The following FAM184A variants were observed in gnomAD, a reference collection of about 807,000 sequenced individuals.
The protein encoded by FAM184A is protein FAM184A.
FAM184A carries 99 observed loss-of-function variants against 143.8 expected under a neutral mutation model. The ratio of observed to expected loss-of-function variants is 0.69; its 90% CI spans 0.58 to 0.81. The LOEUF is 0.81. Among genes scored for constraint, FAM184A ranks in the 40% least tolerant of loss-of-function variants. FAM184A has a pLI of 0.00. For missense variants in FAM184A, 1,217 were observed against 1,310.5 expected, an observed-to-expected ratio of 0.93 and a Z score of 1.10; for synonymous variants, 427 against 446.4, an observed-to-expected ratio of 0.96 and a Z score of 0.55.
chr6:119,020,082 C>T lies in FAM184A; in HGVS notation c.1228G>A (p.Val410Ile), dbSNP rs1376628707. The change falls in exon 4 of 18, where the codon GTC becomes ATC. Residue 410 changes from valine to isoleucine, a missense_variant. By Grantham distance (29) the Val-to-Ile change is conservative. Coordinates refer to ENST00000338891, the MANE Select transcript of FAM184A (RefSeq NM_024581.6). ...TCAAGTTGAGATAATCTCTCATTGACTCTCGATTTTTCTGATTCTAAATCT... is the reference window on the plus strand; with the variant it reads ...TCAAGTTGAGATAATCTCTCATTGATTCTCGATTTTTCTGATTCTAAATCT... ...IKDLESEKSR[V>I]NERLSQLEEE... 2 of 1,609,788 alleles carry T rather than the reference C, an allele frequency of 1.2e-6. No individual in the cohort carries two copies. The highest frequency in any genetic ancestry group is 1.7e-6 in the Non-Finnish European group (2 of 1,178,850).
chr6:119,111,688 A>C (rs994577156), intron 1 of FAM184A, among the ~76,000 whole-genome samples: 1 of 152,196 alleles, frequency 6.6e-6, no homozygotes, highest in African/African-American at 2.4e-5. Context: ...ACAGATTGTC[A>C]TGTTCTAGTC....
At chr6:119,079,869 T>C (rs1279537528), upstream of FAM184A, among the ~76,000 whole-genome samples, 1 of 152,220 alleles carries the variant, frequency 6.6e-6, no homozygotes, top group African/African-American at 2.4e-5. Context: ...TGAAATTGGC[T>C]CTTTTCCCAG....
intron 1 of FAM184A, among the ~76,000 whole-genome samples, chr6:119,117,850 G>A (rs1789101173): frequency 6.6e-6 from 1 of 152,136 alleles, no homozygotes; most frequent in South Asian, 2.1e-4. Flanking sequence ...TTTAGTGCAA[G>A]TTTAGCCAGC....
At chr6:119,061,657 T>A (rs1028756220) in intron 1 of FAM184A, among the ~76,000 whole-genome samples, 13 of 151,098 alleles carry the variant, frequency 8.6e-5, no homozygotes, top group South Asian at 2.1e-4. Flanking sequence ...TAAACTACTT[T>A]TCAACTAAAG....
rs144611782 is a variant in FAM184A at position 119,133,635 on chromosome 6, G to A, written c.-202+15443C>T. On this transcript the variant is annotated intron_variant, in intron 1 of 16. Transcript: ENST00000352896. Reference sequence around the variant, plus strand: ...GCCCCAAGAAATGGGTGTGATGTGGGCAAAGTGACTTTGTTCAGCTGAAGA... The same window carrying A: ...GCCCCAAGAAATGGGTGTGATGTGGACAAAGTGACTTTGTTCAGCTGAAGA... Among the ~76,000 whole-genome samples the A allele has an allele frequency of 2.0e-3, 302 of 152,068 alleles. 2 individuals are homozygous for A. Among genetic ancestry groups the A allele is most frequent in the African/African-American group, 6.9e-3 (285 of 41,482 alleles).
At chr6:119,006,421 A>C in intron 7 of FAM184A, 26 bp downstream of exon 7, 1 of 1,602,004 alleles carries the variant, frequency 6.2e-7, no homozygotes, top group Non-Finnish European at 8.5e-7. Flanking sequence ...GCCGCTGTTT[A>C]GATTGCAGTA....
Position 118,991,500 on chromosome 6 carries a change from G to A in FAM184A, c.2089-11150C>T, listed in dbSNP as rs567069805. Among the ~76,000 whole-genome samples, 22 of 152,158 alleles carry A rather than the reference G, an allele frequency of 1.4e-4. No individual in the cohort carries two copies. The South Asian group carries it at 4.6e-3, about 32-fold the overall frequency. ...TTAGAAGTGTAACATTTAAACTGAG[G>A]TAAATGCAAATAGGAGATAACTTTG... On this transcript the variant is annotated intron_variant, in intron 9 of 17. Coordinates refer to ENST00000338891, the MANE Select transcript of FAM184A (RefSeq NM_024581.6).
intron 1 of FAM184A, among the ~76,000 whole-genome samples, chr6:119,117,401 C>T (rs979274659): frequency 6.6e-6 from 1 of 152,254 alleles, no homozygotes; most frequent in Non-Finnish European, 1.5e-5. Flanking sequence ...GGCAGGGCTT[C>T]CTGGCTAGTC....
intron 1 of FAM184A, among the ~76,000 whole-genome samples, chr6:119,058,811 A>G (rs1185327216): frequency 6.6e-6 from 1 of 152,162 alleles, no homozygotes; most frequent in Non-Finnish European, 1.5e-5. Context: ...CTCCAATTCC[A>G]GCTGTTTCCA....
At chr6:119,066,384 C>T (rs995414785) in intron 1 of FAM184A, among the ~76,000 whole-genome samples, 2 of 152,162 alleles carry the variant, frequency 1.3e-5, no homozygotes, top group Non-Finnish European at 2.9e-5. Context: ...TACAGTTGCC[C>T]ATCCAAATAG....
At chr6:119,116,008 T>C (rs62419245) in intron 1 of FAM184A, among the ~76,000 whole-genome samples, 1,780 of 88,522 alleles carry the variant, frequency 0.02, 31 homozygotes, top group African/African-American at 0.074. Context: ...CACACACACA[T>C]ACACACACAC....
chr6:119,057,807 G>A (rs1787047689), intron 1 of FAM184A: 2 of 149,534 alleles, frequency 1.3e-5, no homozygotes, highest in Admixed American at 1.3e-4. Context: ...CTTTCTTAAT[G>A]ACGCATATCA....
At chr6:118,981,365 G>A (rs1164304669) in intron 9 of FAM184A, among the ~76,000 whole-genome samples, 2 of 152,188 alleles carry the variant, frequency 1.3e-5, no homozygotes, top group African/African-American at 4.8e-5. Flanking sequence ...ATACAAAGTT[G>A]TAAAATGTGT....
chr6:119,056,885 C>T (rs1198015918), intron 1 of FAM184A, among the ~76,000 whole-genome samples: 2 of 152,178 alleles, frequency 1.3e-5, no homozygotes, highest in Non-Finnish European at 2.9e-5. Context: ...ACAACTACTA[C>T]TCATGTCACC....
At chr6:119,114,630 C>T (rs1789012686) in intron 1 of FAM184A, among the ~76,000 whole-genome samples, 1 of 152,210 alleles carries the variant, frequency 6.6e-6, no homozygotes, top group Admixed American at 6.5e-5. Flanking sequence ...CAACCGCCAC[C>T]TCCTGGGCTT....
At chr6:119,035,887 TGTATAAAA>T (rs1786094190) in intron 1 of FAM184A, among the ~76,000 whole-genome samples, 3 of 152,186 alleles carry the variant, frequency 2.0e-5, no homozygotes, top group Admixed American at 6.5e-5. Context: ...CACCCTAAAA[TGTATAAAA>T]CCAAGCTATA....
chr6:118,993,827 A>G (rs1784456895), intron 9 of FAM184A, among the ~76,000 whole-genome samples: 1 of 152,226 alleles, frequency 6.6e-6, no homozygotes, highest in South Asian at 2.1e-4. Context: ...TCCACACTGC[A>G]GCCAGTTTTG....
chr6:119,055,154 C>G (rs1343835192), intron 1 of FAM184A, among the ~76,000 whole-genome samples: 1 of 152,126 alleles, frequency 6.6e-6, no homozygotes, highest in East Asian at 1.9e-4. Context: ...CAATATTTAG[C>G]CTTTTGTGTC....
chr6:119,005,372 A>T (rs1214854870), intron 7 of FAM184A: 1 of 152,236 alleles, frequency 6.6e-6, no homozygotes, highest in Non-Finnish European at 1.5e-5. Context: ...TATCATAGAT[A>T]AAATATAAAT....
Sources: allele counts gnomAD v4.1 joint callset (sites outside exome capture counted in the v4.1 genomes callset), GRCh38; gene constraint gnomAD v4.1.1; transcripts MANE v1.5; gene names NCBI Gene and HGNC (gene_info 2026-07-23, HGNC 2026-07-21).